ALPK1: variants seen among roughly 807,000 people sequenced by gnomAD.
ALPK1 encodes alpha kinase 1.
A neutral mutation model predicts 120.6 loss-of-function variants in ALPK1; 110 were observed. That is an observed-to-expected ratio of 0.91 (90% CI 0.78 to 1.07). ALPK1 has a LOEUF of 1.07. ALPK1 is among the 50% of genes least tolerant of loss of function. The pLI, the probability that ALPK1 is intolerant of heterozygous loss-of-function variation, is 0.00. For synonymous variants in ALPK1, 582 were observed against 560.3 expected (o/e 1.04, Z -0.55); for missense variants, 1,498 against 1,483.9 (o/e 1.01, Z -0.16).
chr4:112,361,356 G>T (rs1034137668), intron 2 of ALPK1, among the ~76,000 whole-genome samples: 1 of 152,218 alleles, frequency 6.6e-6, no homozygotes, highest in Non-Finnish European at 1.5e-5. Context: ...ACCTGGTGCT[G>T]TTGGGGGGAG....
At chr4:112,440,371 AGTTT>A (rs902807971) in intron 14 of ALPK1, among the ~76,000 whole-genome samples, 2 of 152,032 alleles carry the variant, frequency 1.3e-5, no homozygotes, top group African/African-American at 4.8e-5. Flanking sequence ...ATTTTGTTTT[AGTTT>A]GTCTGGTATT....
intron 2 of ALPK1, among the ~76,000 whole-genome samples, chr4:112,330,900 C>T (rs1165949242): frequency 2.0e-5 from 3 of 152,130 alleles, no homozygotes; most frequent in Admixed American, 6.5e-5. Context: ...GACGGTATTG[C>T]TAAGAGAAGC....
intron 2 of ALPK1, among the ~76,000 whole-genome samples, chr4:112,345,388 T>A (rs1161941256): frequency 1.3e-5 from 2 of 152,160 alleles, no homozygotes; most frequent in Non-Finnish European, 2.9e-5. Context: ...GGGCCCTGAT[T>A]AAAAATACAA....
chr4:112,411,015 T>C (rs559956054), intron 4 of ALPK1: 2 of 154,866 alleles, frequency 1.3e-5, no homozygotes, highest in Admixed American at 1.3e-4. Context: ...TGTGACGTCA[T>C]TTACGTATGA....
intron 2 of ALPK1, among the ~76,000 whole-genome samples, chr4:112,320,158 T>C (rs943714299): frequency 1.3e-5 from 2 of 152,212 alleles, no homozygotes; most frequent in African/African-American, 2.4e-5. Flanking sequence ...TTTCCCCATT[T>C]GGTATGATGT....
At chr4:112,357,611 TCTGC>T (rs752197570) in intron 2 of ALPK1, 231 of 1,604,774 alleles carry the variant, frequency 1.4e-4, no homozygotes, top group Non-Finnish European at 1.9e-4. Flanking sequence ...CCTTTCCCAG[TCTGC>T]CTGGAGAACC....
At chr4:112,419,275 C>A (rs935765873) in intron 5 of ALPK1, among the ~76,000 whole-genome samples, 1 of 152,162 alleles carries the variant, frequency 6.6e-6, no homozygotes, top group African/African-American at 2.4e-5. Context: ...CTTTTATTCT[C>A]TGTTTCTCTG....
chr4:112,362,194 A>G (rs1730945242), intron 2 of ALPK1, among the ~76,000 whole-genome samples: 1 of 152,214 alleles, frequency 6.6e-6, no homozygotes, highest in Non-Finnish European at 1.5e-5. Context: ...ATCACCCCCA[A>G]AAGATCACAC....
At chr4:112,362,761 A>G (rs1730968459) in intron 2 of ALPK1, among the ~76,000 whole-genome samples, 1 of 152,246 alleles carries the variant, frequency 6.6e-6, no homozygotes, top group African/African-American at 2.4e-5. Context: ...TTGCGAAAAG[A>G]TCATCACCTA....
At chr4:112,382,191 G>A (rs566080965) in intron 3 of ALPK1, among the ~76,000 whole-genome samples, 3 of 152,148 alleles carry the variant, frequency 2.0e-5, no homozygotes, top group African/African-American at 7.2e-5. Flanking sequence ...GGCAAAGTCG[G>A]CCAGGGCCAC....
At chr4:112,411,633 G>A (rs78234570) in intron 4 of ALPK1, 194 bp from the exon 5 acceptor site, 10,199 of 604,506 alleles carry the variant, frequency 0.017, 160 homozygotes, top group South Asian at 0.043. Flanking sequence ...TTGAATGAAG[G>A]AAATACTATT....
At chr4:112,330,689 C>CT (rs1444241643) in intron 2 of ALPK1, among the ~76,000 whole-genome samples, 1 of 152,136 alleles carries the variant, frequency 6.6e-6, no homozygotes, top group African/African-American at 2.4e-5. Context: ...ATACCAGTAC[C>CT]CATGCCTTAT....
chr4:112,438,649 A>G lies in ALPK1; in HGVS notation c.3351+3A>G. On this transcript the variant is annotated splice_donor_region_variant and intron_variant, in intron 13 of 15. Coordinates refer to ENST00000650871, the MANE Select transcript of ALPK1 (RefSeq NM_025144.4). ...ACATCCCATCCACAATACTACTGGT[A>G]AGATTATCCTGAACACATCATTTGG... is the stretch of plus-strand genomic sequence containing the variant. The G allele has an allele frequency of 2.5e-6, 4 of 1,612,900 alleles. No individual in the cohort carries two copies. The highest frequency in any genetic ancestry group is 3.4e-6 in the Non-Finnish European group (4 of 1,179,208).
At chr4:112,304,374 A>C (rs1727930749) in intron 1 of ALPK1, among the ~76,000 whole-genome samples, 1 of 152,070 alleles carries the variant, frequency 6.6e-6, no homozygotes, top group Admixed American at 6.6e-5. Context: ...CAACAGTGTA[A>C]AAGTGTTCCT....
intron 4 of ALPK1, among the ~76,000 whole-genome samples, chr4:112,396,593 A>C (rs1040808105): frequency 3.3e-5 from 5 of 152,194 alleles, no homozygotes; most frequent in Non-Finnish European, 7.3e-5. Context: ...TCATTAATAA[A>C]TTTAAATGGA....
intron 2 of ALPK1, among the ~76,000 whole-genome samples, chr4:112,369,487 A>G (rs983946852): frequency 1.3e-5 from 2 of 152,194 alleles, no homozygotes; most frequent in Non-Finnish European, 2.9e-5. Context: ...ACCTTTTCCT[A>G]TAGAAACAAT....
intron 5 of ALPK1, among the ~76,000 whole-genome samples, chr4:112,422,789 A>G (rs1274100479): frequency 6.6e-6 from 1 of 152,266 alleles, no homozygotes; most frequent in Non-Finnish European, 1.5e-5. Context: ...GCTGCCAGCT[A>G]AGAGCCAAGC....
intron 4 of ALPK1, among the ~76,000 whole-genome samples, chr4:112,397,857 G>A (rs1455002790): frequency 3.9e-5 from 6 of 152,104 alleles, no homozygotes; most frequent in Admixed American, 3.3e-4. Context: ...TTACTACCTC[G>A]AGTTTCTGAT....
chr4:112,388,205 A>G (rs1237445918), intron 4 of ALPK1, among the ~76,000 whole-genome samples: 1 of 152,138 alleles, frequency 6.6e-6, no homozygotes, highest in East Asian at 1.9e-4. Flanking sequence ...TTGTTTTTAT[A>G]CTACTTAAGA....
Sources: allele counts gnomAD v4.1 joint callset (sites outside exome capture counted in the v4.1 genomes callset), GRCh38; gene constraint gnomAD v4.1.1; transcripts MANE v1.5; gene names NCBI Gene and HGNC (gene_info 2026-07-23, HGNC 2026-07-21).